The following FGF10 variants were observed in gnomAD, a reference collection of about 807,000 sequenced individuals.
FGF10 encodes FGF-10.
In FGF10, 2 loss-of-function variants were observed where a neutral mutation model predicts 19.8. That is an observed-to-expected ratio of 0.10 (90% CI 0.04 to 0.32). The LOEUF (loss-of-function observed/expected upper bound fraction) is 0.32. Among genes scored for constraint, FGF10 ranks in the 10% least tolerant of loss-of-function variants. The pLI is 1.00. For missense variants in FGF10, 191 were observed against 246.3 expected (o/e 0.78, Z 1.50); for synonymous variants, 112 against 94.0 (o/e 1.19, Z -1.10).
chr5:44,380,487 C>T (rs1345306695), intron 1 of FGF10, among the ~76,000 whole-genome samples: 1 of 152,172 alleles, frequency 6.6e-6, no homozygotes, highest in African/African-American at 2.4e-5. Flanking sequence ...ACCTGACATA[C>T]ATATACCTAT....
At chr5:44,354,846 C>T (rs957487944) in intron 1 of FGF10, among the ~76,000 whole-genome samples, 12 of 151,508 alleles carry the variant, frequency 7.9e-5, no homozygotes, top group Admixed American at 6.6e-4. Context: ...AACAATCCAA[C>T]AATTAGTGCA....
At chr5:44,326,502 G>A (rs73089937) in intron 1 of FGF10, among the ~76,000 whole-genome samples, 20,450 of 151,690 alleles carry the variant, frequency 0.13, 3,025 homozygotes, top group African/African-American at 0.35. Context: ...AGGCTCAAGC[G>A]ATCCTCCCAA....
intron 1 of FGF10, among the ~76,000 whole-genome samples, chr5:44,342,906 C>T (rs911693642): frequency 2.6e-5 from 4 of 151,936 alleles, no homozygotes; most frequent in Admixed American, 6.6e-5. Flanking sequence ...CATTAATCCT[C>T]TTCCCCAAAT....
In FGF10 at chr5:44,376,490, C is replaced by CAAAAAAAAAAAAAAAAAAAAAAAAAAA. The variant is rs764913349; in HGVS notation, c.325+11841_325+11867dup. On this transcript the variant is annotated intron_variant, in intron 1 of 2. Coordinates refer to ENST00000264664, the MANE Select transcript of FGF10 (RefSeq NM_004465.2). ...CTAAGACAAGTTAGAATACAAATGCCAAAAAAAAAAAAAAAAAAAAAAAAA... is the reference window on the plus strand; with the variant it reads ...CTAAGACAAGTTAGAATACAAATGCCAAAAAAAAAAAAAAAAAAAAAAAAAAAAAAAAAAAAAAAAAAAAAAAAAAAA... 1.2e-3 allele frequency among the ~76,000 whole-genome samples: 40 copies of CAAAAAAAAAAAAAAAAAAAAAAAAAAA among 34,540 alleles called. 6 individuals carry two copies. Among genetic ancestry groups the CAAAAAAAAAAAAAAAAAAAAAAAAAAA allele is most frequent in the East Asian group, 4.3e-3 (2 of 464 alleles). The allele number at this position is 34,540 out of a possible 152,430, so 22.7% of individuals were successfully genotyped here.
chr5:44,385,908 C>A (rs1310988851), intron 1 of FGF10, among the ~76,000 whole-genome samples: 1 of 152,106 alleles, frequency 6.6e-6, no homozygotes. Flanking sequence ...TATGTTTTGA[C>A]ACAGATGTTC....
At chr5:44,321,859 T>C (rs1248340851) in intron 1 of FGF10, among the ~76,000 whole-genome samples, 1 of 152,140 alleles carries the variant, frequency 6.6e-6, no homozygotes, top group African/African-American at 2.4e-5. Flanking sequence ...CCTCCTGGGT[T>C]CCAGTGATTC....
intron 1 of FGF10, among the ~76,000 whole-genome samples, chr5:44,332,371 T>C (rs765999456): frequency 1.3e-5 from 2 of 152,192 alleles, no homozygotes; most frequent in Non-Finnish European, 2.9e-5. Flanking sequence ...GATTTTATAC[T>C]ATGCTAGTGC....
In FGF10 at chr5:44,325,692, A is replaced by G. The variant is rs539814812; in HGVS notation, c.326-15162T>C. Among the ~76,000 whole-genome samples, 7 of 147,788 alleles carry G rather than the reference A, an allele frequency of 4.7e-5. No individual in the cohort carries two copies. In the East Asian group the frequency reaches 1.5e-3, roughly 31 times the overall value. ...TAGGTGGGAATTGAACAATGAGAAC[A>G]TTTGGACACAGGAAGGGAACATCAC... On this transcript the variant is annotated intron_variant, in intron 1 of 2. Transcript: ENST00000264664.
At chr5:44,324,533 GA>G (rs1175855788) in intron 1 of FGF10, among the ~76,000 whole-genome samples, 1 of 152,100 alleles carries the variant, frequency 6.6e-6, no homozygotes, top group Non-Finnish European at 1.5e-5. Context: ...CCTTCCAGAA[GA>G]AAGACTCTCT....
intron 1 of FGF10, among the ~76,000 whole-genome samples, chr5:44,344,603 T>TGTGTGTGTGTGTGTGC (rs58735673): frequency 6.7e-6 from 1 of 149,256 alleles, no homozygotes; most frequent in African/African-American, 2.5e-5. Context: ...TGTGTGTGTG[T>TGTGTGTGTGTGTGTGC]TAAACCAACT....
intron 1 of FGF10, among the ~76,000 whole-genome samples, chr5:44,351,954 A>C (rs1296557511): frequency 1.3e-5 from 2 of 151,678 alleles, no homozygotes; most frequent in African/African-American, 4.8e-5. Flanking sequence ...AATACTACTA[A>C]TACTACTACT....
chr5:44,336,344 C>T (rs921239338), intron 1 of FGF10, among the ~76,000 whole-genome samples: 2 of 151,828 alleles, frequency 1.3e-5, no homozygotes, highest in African/African-American at 4.8e-5. Context: ...TAATTTTGTG[C>T]TAGTTTATAT....
chr5:44,347,725 CA>C (rs145362045), intron 1 of FGF10, among the ~76,000 whole-genome samples: 1 of 151,650 alleles, frequency 6.6e-6, no homozygotes, highest in Non-Finnish European at 1.5e-5. Context: ...AGCTATAGCA[CA>C]AAATAAGTGC....
At position 44,302,594 on chromosome 5, in the gene FGF10, C is replaced by T. The variant is rs933522415; in HGVS notation, c.*2401G>A. ...GGTTTCTCAGGCCTGTCTAGAACTC[C>T]TGGACTCAAGCCATCTTCCCACAGT... On this transcript the variant is annotated 3_prime_UTR_variant, in exon 3 of 3. Coordinates refer to ENST00000264664, the MANE Select transcript of FGF10 (RefSeq NM_004465.2). 6.6e-6 allele frequency among the ~76,000 whole-genome samples: 1 copy of T among 152,030 alleles called. No homozygotes were observed. Among genetic ancestry groups the T allele is most frequent in the Non-Finnish European group, 1.5e-5 (1 of 68,000 alleles).
At chr5:44,368,342 G>A (rs180891976) in intron 1 of FGF10, among the ~76,000 whole-genome samples, 1 of 152,008 alleles carries the variant, frequency 6.6e-6, no homozygotes, top group East Asian at 1.9e-4. Context: ...CTTCTTTGGA[G>A]CACAAAACAT....
At chr5:44,367,802 G>A (rs2111875138) in intron 1 of FGF10, among the ~76,000 whole-genome samples, 1 of 150,080 alleles carries the variant, frequency 6.7e-6, no homozygotes, top group South Asian at 2.1e-4. Context: ...CACCCAGTTT[G>A]CATTAATCAT....
intron 1 of FGF10, among the ~76,000 whole-genome samples, chr5:44,382,282 T>G (rs189085445): frequency 4.7e-4 from 72 of 152,298 alleles, no homozygotes; most frequent in African/African-American, 1.7e-3. Flanking sequence ...ACAATTGATC[T>G]GATTTAAAAG....
intron 1 of FGF10, among the ~76,000 whole-genome samples, chr5:44,374,926 C>G (rs1223332984): frequency 6.6e-6 from 1 of 151,994 alleles, no homozygotes; most frequent in Non-Finnish European, 1.5e-5. Flanking sequence ...AAGTACTTAA[C>G]AGTCTCTTAA....
chr5:44,379,931 T>C (rs1454369203), intron 1 of FGF10, among the ~76,000 whole-genome samples: 1 of 152,208 alleles, frequency 6.6e-6, no homozygotes, highest in Non-Finnish European at 1.5e-5. Flanking sequence ...CTTTACCGTC[T>C]CTCTTGCTTC....
Sources: allele counts gnomAD v4.1 joint callset (sites outside exome capture counted in the v4.1 genomes callset), GRCh38; gene constraint gnomAD v4.1.1; transcripts MANE v1.5; gene names NCBI Gene and HGNC (gene_info 2026-07-23, HGNC 2026-07-21).